Variants in DOCK6 observed in about 807,000 individuals in gnomAD.
The protein encoded by DOCK6 is dedicator of cytokinesis protein 6.
DOCK6 carries 167 observed loss-of-function variants against 230.3 expected under a neutral mutation model. The ratio of observed to expected loss-of-function variants is 0.73; its 90% CI spans 0.64 to 0.82. The LOEUF (loss-of-function observed/expected upper bound fraction) is 0.82. Ranked by LOEUF, DOCK6 falls within the 40% of genes least tolerant of loss-of-function variation. The pLI, the probability that DOCK6 is intolerant of heterozygous loss-of-function variation, is 0.00. For missense variants in DOCK6, 2,598 were observed against 2,825.8 expected, an observed-to-expected ratio of 0.92 and a Z score of 1.83; for synonymous variants, 1,148 against 1,185.0, an observed-to-expected ratio of 0.97 and a Z score of 0.64.
At chr19:11,256,000 C>A (rs8100370) in intron 1 of DOCK6, among the ~76,000 whole-genome samples, 119,631 of 151,576 alleles carry the variant, frequency 0.79, 47,883 homozygotes, top group East Asian at 0.91. Flanking sequence ...GTTAGCCAGG[C>A]TGGTCTCGAA....
In DOCK6 at chr19:11,202,200, G is replaced by C; in HGVS notation, c.5452-75C>G. The C allele has an allele frequency of 1.3e-6, 2 of 1,503,346 alleles. No individual in the cohort carries two copies. The allele number at this position is 1,503,346 out of a possible 1,614,324, so 93.1% of individuals were successfully genotyped here. ...CCAAGCCCTGTTCCTGGAGAGAGGG[G>C]ATCTGGGGACTTTGTCATTTCCAAG... On this transcript the variant is annotated intron_variant, in intron 43 of 47. Coordinates refer to ENST00000294618, the MANE Select transcript of DOCK6 (RefSeq NM_020812.4). This position sits in a 1 kb window ranked among gnomAD's most constrained non-coding sequence, Gnocchi z 5.3.
In DOCK6 at chr19:11,208,636, AC is replaced by A. The variant is rs112694022; in HGVS notation, c.5088+49del. 1.6e-4 allele frequency: 258 copies of A among 1,578,652 alleles called. 1 individual carries two copies. The African/African-American group carries it at 2.9e-3, about 17-fold the overall frequency. On this transcript the variant is annotated intron_variant, in intron 39 of 47. Transcript: ENST00000294618. Reference sequence around the variant, plus strand: ...GGGTCTAGGAAGCAGATCTGATGGCACCTCCCTGGCCCGAGCCCCCTCTCCT... The same window carrying A: ...GGGTCTAGGAAGCAGATCTGATGGCACTCCCTGGCCCGAGCCCCCTCTCCT...
intron 14 of DOCK6, chr19:11,239,575 TG>T (rs757566619): frequency 4.1e-5 from 65 of 1,583,504 alleles, no homozygotes; most frequent in Non-Finnish European, 4.0e-5. Flanking sequence ...TGGGGATCAG[TG>T]GGGGTATGAG....
At chr19:11,217,839 AT>A (rs1291727151) in intron 28 of DOCK6, among the ~76,000 whole-genome samples, 4 of 149,980 alleles carry the variant, frequency 2.7e-5, no homozygotes, top group Non-Finnish European at 5.9e-5. Context: ...GAATTCACTT[AT>A]TTTACTTATT....
rs370312234 is a variant in DOCK6 at position 11,214,387 on chromosome 19, C to G, written c.4226G>C (p.Arg1409Pro). ...IVQTVMLSEARESVLGAVLKV... is the reference protein window; with the variant it reads ...IVQTVMLSEAPESVLGAVLKV... The stretch of plus-strand genomic sequence containing the variant: ...CAGCACTGCCCCCAAGACGCTCTCC[C>G]GGGCTTCTGAAAGCATCACCGTCTG... The change falls in exon 34 of 48, where the codon CGG becomes CCG. Residue 1409 changes from arginine to proline, a missense_variant. By Grantham distance (103) the Arg-to-Pro change is moderately radical (BLOSUM62 -2). Coordinates refer to ENST00000294618, the MANE Select transcript of DOCK6 (RefSeq NM_020812.4). The G allele has an allele frequency of 6.2e-7, 1 of 1,613,698 alleles. No homozygotes were observed. The highest frequency in any genetic ancestry group is 8.5e-7 in the Non-Finnish European group (1 of 1,179,804).
Position 11,236,406 on chromosome 19 carries a change from G to T in DOCK6, c.2332C>A (p.His778Asn), listed in dbSNP as rs2079848293. Residue 778 changes from histidine to asparagine, a missense_variant, in exon 20 of 48, where the codon CAC (histidine) becomes AAC (asparagine). His to Asn is a moderately conservative substitution (Grantham distance 68). Transcript: ENST00000294618. This position sits in a 1 kb window ranked among gnomAD's most constrained non-coding sequence, Gnocchi z 5.2. ...SPEPLVAFSH[H>N]VLDKLVRLVI... ...AGACGCACGAGCTTGTCCAGCACGT[G>T]GTGGGAGAAGGCCACAAGGGGTTCG... The T allele has an allele frequency of 6.3e-7, 1 of 1,587,930 alleles. No homozygotes were observed. The highest frequency in any genetic ancestry group is 8.6e-7 in the Non-Finnish European group (1 of 1,167,652).
Position 11,236,443 on chromosome 19 carries a change from G to T in DOCK6, c.2295C>A (p.Arg765=). Residue 765 remains arginine, a synonymous_variant, in exon 20 of 48, where the codon CGC becomes CGA. Coordinates refer to ENST00000294618, the MANE Select transcript of DOCK6 (RefSeq NM_020812.4). This position sits in a 1 kb window ranked among gnomAD's most constrained non-coding sequence, Gnocchi z 5.2. ...QELRASLAAL[R]LASPEPLVAF... Reference sequence around the variant, plus strand: ...CCACAAGGGGTTCGGGGCTGGCCAGGCGCAGTGCTGCAAGACTGGCCCGCA... The same window carrying T: ...CCACAAGGGGTTCGGGGCTGGCCAGTCGCAGTGCTGCAAGACTGGCCCGCA... 6.3e-7 allele frequency: 1 copy of T among 1,590,564 alleles called. No homozygotes were observed. Among genetic ancestry groups the T allele is most frequent in the Non-Finnish European group, 8.6e-7 (1 of 1,169,316 alleles).
intron 24 of DOCK6, among the ~76,000 whole-genome samples, chr19:11,224,706 G>A (rs942529821): frequency 1.3e-5 from 2 of 152,094 alleles, no homozygotes; most frequent in Non-Finnish European, 2.9e-5. Context: ...GCTGGTATTC[G>A]TTCTGCCCTC....
chr19:11,243,619 A>ACGGC lies in DOCK6; in HGVS notation c.1192_1195dup (p.Val399GlyfsTer19). ...GCTGCTCACGATGTTGGCCAAGTGC[A>ACGGC]CGGCCGTCCAGGCGAAGGGCATGCG... On this transcript the variant is annotated frameshift_variant, in exon 11 of 48. Transcript: ENST00000294618. LOFTEE classifies it high-confidence loss of function. This position sits in a 1 kb window ranked among gnomAD's most constrained non-coding sequence, Gnocchi z 6.3. 6.2e-7 allele frequency: 1 copy of ACGGC among 1,611,820 alleles called. No homozygotes were observed. Among genetic ancestry groups the ACGGC allele is most frequent in the Non-Finnish European group, 8.5e-7 (1 of 1,179,450 alleles).
At chr19:11,223,221 TTGTC>T (rs1354626118) in intron 24 of DOCK6, 115 bp from the exon 25 acceptor site, 12 of 925,350 alleles carry the variant, frequency 1.3e-5, no homozygotes, top group South Asian at 1.7e-5. Context: ...CCCAAAGCCT[TTGTC>T]TGTGGGCTGT....
intron 20 of DOCK6, 119 bp from the exon 21 acceptor site, chr19:11,235,878 T>A (rs1221990656): frequency 8.1e-4 from 140 of 173,194 alleles, no homozygotes; most frequent in Middle Eastern, 2.8e-3. Flanking sequence ...GGGTCACAAA[T>A]TTTTTTTTTT....
At chr19:11,253,416 C>T (rs759063950) in intron 2 of DOCK6, among the ~76,000 whole-genome samples, 1 of 152,130 alleles carries the variant, frequency 6.6e-6, no homozygotes, top group South Asian at 2.1e-4. Flanking sequence ...CCCCTGACCA[C>T]CCACAGGGTG....
chr19:11,205,212 TC>T (rs1356407407), intron 39 of DOCK6, among the ~76,000 whole-genome samples: 5 of 152,190 alleles, frequency 3.3e-5, no homozygotes, highest in African/African-American at 9.7e-5. Flanking sequence ...TGGTTTTTTT[TC>T]GTAATCTTTT....
chr19:11,246,841 C>T (rs1007984184), intron 7 of DOCK6, among the ~76,000 whole-genome samples: 4 of 152,188 alleles, frequency 2.6e-5, no homozygotes, highest in African/African-American at 9.7e-5. Flanking sequence ...CTGGCCTCCG[C>T]TCACCACGCA....
At chr19:11,240,405 G>A (rs1487508663) in intron 14 of DOCK6, 1 of 1,151,902 alleles carries the variant, frequency 8.7e-7, no homozygotes, top group Non-Finnish European at 1.2e-6. Context: ...CAGCTCTGTG[G>A]CCTCTACCCT....
At chr19:11,232,207 T>A (rs771472079) in intron 22 of DOCK6, 1 of 1,288,658 alleles carries the variant, frequency 7.8e-7, no homozygotes, top group South Asian at 1.2e-5. Context: ...GGCCCCACAA[T>A]AAGGGGGCGC....
At chr19:11,257,005 T>G (rs1410698012) in intron 1 of DOCK6, among the ~76,000 whole-genome samples, 4 of 151,282 alleles carry the variant, frequency 2.6e-5, no homozygotes, top group African/African-American at 9.7e-5. Context: ...TGTCTGTTTT[T>G]TTGAGACAGG....
chr19:11,249,408 G>A (rs1340121422), intron 6 of DOCK6, among the ~76,000 whole-genome samples: 1 of 151,984 alleles, frequency 6.6e-6, no homozygotes, highest in African/African-American at 2.4e-5. Flanking sequence ...CTACTCAGGA[G>A]GCTGAGGCAG....
chr19:11,243,768 T>C lies in DOCK6; in HGVS notation c.1104+34A>G. The C allele has an allele frequency of 6.2e-7, 1 of 1,613,432 alleles. No individual in the cohort carries two copies. The highest frequency in any genetic ancestry group is 8.5e-7 in the Non-Finnish European group (1 of 1,179,696). On this transcript the variant is annotated intron_variant, in intron 10 of 47. Transcript: ENST00000294618. This position sits in a 1 kb window ranked among gnomAD's most constrained non-coding sequence, Gnocchi z 6.3. The stretch of plus-strand genomic sequence containing the variant: ...CATCCTAGCCCTGCTGAGTCAGGGA[T>C]CTGTTGCCCCTAGTCCAGCCTCCAC...
Sources: gnomAD v4.1 joint callset for allele counts (sites outside exome capture counted in the v4.1 genomes callset) on GRCh38, gnomAD v4.1.1 for gene constraint, Gnocchi (gnomAD v3.1) non-coding constraint, MANE v1.5 for transcripts, NCBI Gene and HGNC (gene_info 2026-07-23, HGNC 2026-07-21) for gene names.